PTPRD: variants seen among roughly 807,000 people sequenced by gnomAD.
PTPRD encodes the protein receptor-type tyrosine-protein phosphatase delta.
Under a neutral mutation model 214.5 loss-of-function variants are expected in PTPRD, and 34 were observed. The observed-to-expected ratio is 0.16, with a 90% confidence interval of 0.12 to 0.21. The LOEUF is 0.21. Ranked by LOEUF, PTPRD falls within the 10% of genes least tolerant of loss-of-function variation. The pLI is 1.00. For missense variants in PTPRD, 2,545 were observed against 2,398.7 expected (o/e 1.06, Z -1.27); for synonymous variants, 1,128 against 845.7 (o/e 1.33, Z -5.79).
At chr9:8,488,919 C>G (rs1174490327) in intron 27 of PTPRD, among the ~76,000 whole-genome samples, 1 of 151,552 alleles carries the variant, frequency 6.6e-6, no homozygotes, top group Non-Finnish European at 1.5e-5. Context: ...CCAGAGGCAA[C>G]AGATTAAACA....
At chr9:9,070,201 T>C (rs1320926256) in intron 10 of PTPRD, among the ~76,000 whole-genome samples, 3 of 152,176 alleles carry the variant, frequency 2.0e-5, no homozygotes, top group African/African-American at 7.2e-5. Flanking sequence ...TCTCTAGACT[T>C]ACACAGAGGT....
At chr9:10,424,125 T>C (rs572033306) in intron 2 of PTPRD, among the ~76,000 whole-genome samples, 3 of 152,100 alleles carry the variant, frequency 2.0e-5, no homozygotes, top group East Asian at 3.9e-4. Flanking sequence ...AAACGAAGAA[T>C]TGGTGGAACA....
In PTPRD at chr9:10,612,814, G is replaced by A. The variant is rs2081349572; in HGVS notation, c.-834C>T. 6.6e-6 allele frequency: 1 copy of A among 152,180 alleles called. No homozygotes were observed. The highest frequency in any genetic ancestry group is 2.4e-5 in the African/African-American group (1 of 41,442). The allele number at this position is 152,180 out of a possible 1,614,324, so 9.4% of individuals were successfully genotyped here. A position where few individuals can be genotyped will look rare whatever the true frequency, so the allele number is the denominator to read the frequency against. On this transcript the variant is annotated 5_prime_UTR_variant, in exon 1 of 46. Coordinates refer to ENST00000381196, the MANE Select transcript of PTPRD (RefSeq NM_002839.4). Reference sequence around the variant, plus strand: ...GGAGCGCAGGGTTGGGGAGGCCGATGAGCGGCTCCCGGCTCCTCGGAGAAG... The same window carrying A: ...GGAGCGCAGGGTTGGGGAGGCCGATAAGCGGCTCCCGGCTCCTCGGAGAAG...
chr9:8,717,809 CT>C (rs151271137), intron 12 of PTPRD, among the ~76,000 whole-genome samples: 1,800 of 152,268 alleles, frequency 0.012, 34 homozygotes, highest in African/African-American at 0.041. Context: ...TTAGCTTTGC[CT>C]TAATGCCCTC....
At chr9:10,409,458 A>G (rs1464465219) in intron 2 of PTPRD, among the ~76,000 whole-genome samples, 2 of 151,782 alleles carry the variant, frequency 1.3e-5, no homozygotes, top group Non-Finnish European at 2.9e-5. Flanking sequence ...TCAAAAATAC[A>G]TCCATAAATA....
At chr9:8,525,108 T>A (rs1433194216) in intron 17 of PTPRD, 73 bp from the exon 18 acceptor site, 1 of 1,292,476 alleles carries the variant, frequency 7.7e-7, no homozygotes, top group African/African-American at 1.5e-5. Flanking sequence ...GCTAAACCTC[T>A]TAACAATATG....
intron 9 of PTPRD, among the ~76,000 whole-genome samples, chr9:9,319,328 T>C (rs1054164143): frequency 2.0e-5 from 3 of 152,178 alleles, no homozygotes; most frequent in Non-Finnish European, 2.9e-5. Flanking sequence ...AAGTGAGGGG[T>C]TGAATGTTAA....
At chr9:9,779,447 C>G (rs1395860999) in intron 5 of PTPRD, among the ~76,000 whole-genome samples, 1 of 152,110 alleles carries the variant, frequency 6.6e-6, no homozygotes, top group Non-Finnish European at 1.5e-5. Context: ...TATTCACAAC[C>G]TATGCATCCA....
In PTPRD at chr9:8,349,950, A is replaced by T. The variant is rs527920700; in HGVS notation, c.4662-7972T>A. Among the ~76,000 whole-genome samples, 231 of 141,572 alleles carry T rather than the reference A, an allele frequency of 1.6e-3. 1 individual carries two copies. The highest frequency in any genetic ancestry group is 5.6e-3 in the African/African-American group (200 of 35,600). The allele number at this position is 141,572 out of a possible 152,430, so 92.9% of individuals were successfully genotyped here. The stretch of plus-strand genomic sequence containing the variant: ...CTTTAGTGGTTTTTTTTTTTTTTTT[A>T]AATTTCAGTAAGTGATAGACGTTCC... On this transcript the variant is annotated intron_variant, in intron 39 of 45. Coordinates refer to ENST00000381196, the MANE Select transcript of PTPRD (RefSeq NM_002839.4).
intron 3 of PTPRD, among the ~76,000 whole-genome samples, chr9:10,065,171 G>GAAAGAAAGAAAGA (rs1333403160): frequency 3.3e-5 from 5 of 151,080 alleles, no homozygotes; most frequent in Admixed American, 1.3e-4. Flanking sequence ...AAGAAAGAAA[G>GAAAGAAAGAAAGA]AAAGAAAGAA....
chr9:8,517,719 T>C (rs2097807948), intron 21 of PTPRD, 129 bp downstream of exon 21: 1 of 735,028 alleles, frequency 1.4e-6, no homozygotes. Context: ...CTATCATCTG[T>C]TGCTTTGAAG....
chr9:10,311,329 T>C (rs1255621944), intron 3 of PTPRD, among the ~76,000 whole-genome samples: 1 of 151,996 alleles, frequency 6.6e-6, no homozygotes, highest in Non-Finnish European at 1.5e-5. Context: ...AAGCTTATAA[T>C]TATATGTACC....
chr9:8,415,107 T>C (rs1238637418), intron 35 of PTPRD, among the ~76,000 whole-genome samples: 1 of 152,188 alleles, frequency 6.6e-6, no homozygotes, highest in Non-Finnish European at 1.5e-5. Flanking sequence ...ACACTATTGA[T>C]GCAGCAATGA....
At chr9:10,078,340 A>G (rs13291508) in intron 3 of PTPRD, among the ~76,000 whole-genome samples, 31,441 of 139,860 alleles carry the variant, frequency 0.22, 3,759 homozygotes, top group South Asian at 0.32. Flanking sequence ...GTGAAACCCC[A>G]TCTCTTCCAA....
chr9:9,017,463 T>C (rs965938865), intron 11 of PTPRD, among the ~76,000 whole-genome samples: 2 of 152,166 alleles, frequency 1.3e-5, no homozygotes, highest in African/African-American at 4.8e-5. Context: ...CCGGAGTAAT[T>C]TGAACCATTC....
chr9:8,816,532 T>C (rs181927449), intron 11 of PTPRD, among the ~76,000 whole-genome samples: 24 of 152,306 alleles, frequency 1.6e-4, no homozygotes, highest in Non-Finnish European at 2.9e-4. Context: ...AAGGAAATCA[T>C]TCTTCCATGC....
rs1266802379 is a variant in PTPRD at position 8,726,589 on chromosome 9, ATATATATATATATATATATAT to A, written c.64+7170_64+7190del. On this transcript the variant is annotated intron_variant, in intron 12 of 45. Transcript: ENST00000381196. ...TCTACTAAAAAAAAAAAAAAAAAAA[ATATATATATATATATATATAT>A]ATATATATATATATATATATATATA... Among the ~76,000 whole-genome samples, 31 of 12,916 alleles carry A rather than the reference ATATATATATATATATATATAT, an allele frequency of 2.4e-3. 10 individuals carry two copies. The highest frequency in any genetic ancestry group is 0.011 in the African/African-American group (27 of 2,554). 8.5% of individuals were successfully genotyped at this position (12,916 alleles called of 152,430 possible).
In PTPRD at chr9:8,817,021, A is replaced by T. The variant is rs147663910; in HGVS notation, c.-103-83075T>A. ...ACTCAGCATTTTTAAGGCAAGTAGA[A>T]TAAGTGAATCAACAATATGAACCCC... On this transcript the variant is annotated intron_variant, in intron 11 of 45. Transcript: ENST00000381196. 8.3e-4 allele frequency among the ~76,000 whole-genome samples: 126 copies of T among 152,350 alleles called. 1 individual carries two copies. The highest frequency in any genetic ancestry group is 1.0e-4 in the Non-Finnish European group (7 of 68,038).
Position 8,507,419 on chromosome 9 carries a change from A to C in PTPRD, c.1559T>G (p.Leu520Arg). ...ITQTGVPGQP[L>R]NFKAEPESET... The stretch of plus-strand genomic sequence containing the variant: ...AGACTCAGGTTCTGCTTTGAAGTTT[A>C]GTGGCTGCCCTGGTACTAAAAACAG... The change falls in exon 22 of 46, where the codon CTA (leucine) becomes CGA (arginine). Residue 520 changes from leucine to arginine, a missense_variant. Coordinates refer to ENST00000381196, the MANE Select transcript of PTPRD (RefSeq NM_002839.4). 1.1e-5 allele frequency: 17 copies of C among 1,613,980 alleles called. No individual in the cohort carries two copies. The highest frequency in any genetic ancestry group is 1.4e-5 in the Non-Finnish European group (17 of 1,179,850).
Sources: allele counts gnomAD v4.1 joint callset (sites outside exome capture counted in the v4.1 genomes callset), GRCh38; gene constraint gnomAD v4.1.1; transcripts MANE v1.5; gene names NCBI Gene and HGNC (gene_info 2026-07-23, HGNC 2026-07-21).